The following CSMD1 variants were observed in gnomAD, a reference collection of about 807,000 sequenced individuals.
CSMD1 encodes the protein CUB and sushi domain-containing protein 1.
CSMD1 carries 213 observed loss-of-function variants against 417.5 expected under a neutral mutation model. The ratio of observed to expected loss-of-function variants is 0.51; its 90% CI spans 0.46 to 0.57. CSMD1 has a LOEUF of 0.57. Among genes scored for constraint, CSMD1 ranks in the 20% least tolerant of loss-of-function variants. CSMD1 has a pLI of 0.00. For missense variants in CSMD1, 6,923 were observed against 4,529.7 expected (o/e 1.53, Z -15.17); for synonymous variants, 2,862 against 1,736.8 (o/e 1.65, Z -16.11).
At chr8:3,492,737 A>G (rs998753207) in intron 11 of CSMD1, among the ~76,000 whole-genome samples, 1 of 152,166 alleles carries the variant, frequency 6.6e-6, no homozygotes, top group Non-Finnish European at 1.5e-5. Context: ...GAGAAGTGGG[A>G]TCAGTCTGCA....
At position 3,656,390 on chromosome 8, in the gene CSMD1, T is replaced by C. The variant is rs189625005; in HGVS notation, c.1010-39593A>G. Among the ~76,000 whole-genome samples the C allele has an allele frequency of 2.9e-3, 441 of 152,078 alleles. 1 individual carries two copies. The highest frequency in any genetic ancestry group is 4.8e-3 in the Non-Finnish European group (329 of 67,996). The stretch of plus-strand genomic sequence containing the variant: ...TTGATAGATGACACCTGCTTTCTCT[T>C]TTTTTTTCCTCTCAGTGCATCACCT... On this transcript the variant is annotated intron_variant, in intron 7 of 69. Transcript: ENST00000635120.
At chr8:3,486,832 G>C (rs1474802549) in intron 11 of CSMD1, among the ~76,000 whole-genome samples, 2 of 152,198 alleles carry the variant, frequency 1.3e-5, no homozygotes, top group African/African-American at 2.4e-5. Context: ...CTGAAGCCCA[G>C]TGGTTTGTTT....
chr8:4,572,580 C>T (rs2693797), intron 2 of CSMD1, among the ~76,000 whole-genome samples: 34,986 of 151,742 alleles, frequency 0.23, 4,234 homozygotes, highest in African/African-American at 0.31. Flanking sequence ...TTGGTGAATG[C>T]GATGATTATG....
chr8:4,594,577 G>A (rs1172317526), intron 2 of CSMD1, among the ~76,000 whole-genome samples: 3 of 152,012 alleles, frequency 2.0e-5, no homozygotes, highest in Admixed American at 6.6e-5. Flanking sequence ...TTTTTTTGGA[G>A]GGGGGCACAA....
intron 12 of CSMD1, among the ~76,000 whole-genome samples, chr8:3,461,296 A>G (rs746098589): frequency 1.6e-4 from 24 of 152,200 alleles, no homozygotes; most frequent in Admixed American, 4.6e-4. Flanking sequence ...TTTGCTGGAT[A>G]GAATGAGGGA....
intron 5 of CSMD1, among the ~76,000 whole-genome samples, chr8:3,789,807 T>C (rs1262905707): frequency 1.3e-5 from 2 of 149,252 alleles, no homozygotes; most frequent in East Asian, 4.0e-4. Context: ...CTTGGCTCAC[T>C]GCAAGCTCCG....
chr8:3,438,067 T>G (rs1275555206), intron 12 of CSMD1, among the ~76,000 whole-genome samples: 1 of 152,204 alleles, frequency 6.6e-6, no homozygotes, highest in African/African-American at 2.4e-5. Flanking sequence ...TCCATAGAAT[T>G]TACCCAGTAG....
chr8:4,648,603 G>A lies in CSMD1; in HGVS notation c.86-11045C>T, dbSNP rs148204888. ...AAATGTGATTTTTTTTTGCACAGTG[G>A]CTGCATGGATAAAATCATGATGCAT... On this transcript the variant is annotated intron_variant, in intron 1 of 69. Coordinates refer to ENST00000635120, the MANE Select transcript of CSMD1 (RefSeq NM_033225.6). 2.1e-3 allele frequency among the ~76,000 whole-genome samples: 321 copies of A among 152,172 alleles called. 4 individuals are homozygous for A. Among genetic ancestry groups the A allele is most frequent in the Admixed American group, 0.018 (274 of 15,288 alleles).
At chr8:4,833,500 T>A (rs1293263705) in intron 1 of CSMD1, among the ~76,000 whole-genome samples, 2 of 152,188 alleles carry the variant, frequency 1.3e-5, no homozygotes, top group African/African-American at 4.8e-5. Flanking sequence ...GAAATTTGGG[T>A]GGGGACACAG....
intron 5 of CSMD1, among the ~76,000 whole-genome samples, chr8:3,846,392 G>A (rs1258196614): frequency 6.6e-6 from 1 of 151,854 alleles, no homozygotes; most frequent in African/African-American, 2.4e-5. Flanking sequence ...CTCTACATGT[G>A]AAATAGATAA....
chr8:4,898,548 T>C (rs1294524924), intron 1 of CSMD1, among the ~76,000 whole-genome samples: 1 of 152,228 alleles, frequency 6.6e-6, no homozygotes, highest in Non-Finnish European at 1.5e-5. Context: ...TCTGTTCTTT[T>C]AAATCCAAGG....
chr8:4,485,583 C>A (rs1023847634), intron 2 of CSMD1, among the ~76,000 whole-genome samples: 3 of 152,062 alleles, frequency 2.0e-5, no homozygotes, highest in African/African-American at 7.2e-5. Flanking sequence ...CACTTCTATC[C>A]ATGGATGTTC....
intron 5 of CSMD1, among the ~76,000 whole-genome samples, chr8:3,954,777 G>A (rs187160067): frequency 2.0e-4 from 30 of 151,798 alleles, no homozygotes; most frequent in Admixed American, 1.8e-3. Flanking sequence ...TAATGTGGCA[G>A]GGAGTTACAT....
intron 5 of CSMD1, among the ~76,000 whole-genome samples, chr8:3,770,679 C>A (rs764307825): frequency 7.2e-5 from 11 of 152,164 alleles, no homozygotes; most frequent in African/African-American, 2.7e-4. Context: ...ACTGTCGCCC[C>A]AACACCTTGT....
At chr8:3,565,531 T>C (rs145673880) in intron 10 of CSMD1, among the ~76,000 whole-genome samples, 247 of 152,304 alleles carry the variant, frequency 1.6e-3, no homozygotes, top group African/African-American at 5.7e-3. Flanking sequence ...ATATACAACA[T>C]AGGTTTCTAT....
intron 1 of CSMD1, among the ~76,000 whole-genome samples, chr8:4,854,692 T>C (rs972023277): frequency 6.6e-6 from 1 of 152,144 alleles, no homozygotes; most frequent in Non-Finnish European, 1.5e-5. Context: ...ACCCGAATAC[T>C]GCCCTTTTCC....
At chr8:4,446,755 CTGTG>C (rs58002310) in intron 2 of CSMD1, among the ~76,000 whole-genome samples, 23,334 of 132,282 alleles carry the variant, frequency 0.18, 2,293 homozygotes, top group Middle Eastern at 0.24. Context: ...GTGTGTGTGT[CTGTG>C]TGTGTGTGTG....
At chr8:3,446,564 C>A (rs540354737) in intron 12 of CSMD1, among the ~76,000 whole-genome samples, 2 of 152,180 alleles carry the variant, frequency 1.3e-5, no homozygotes, top group Admixed American at 1.3e-4. Flanking sequence ...CAGGATAAAC[C>A]ACAGCTTCCT....
intron 5 of CSMD1, among the ~76,000 whole-genome samples, chr8:3,767,447 G>A (rs1051381450): frequency 2.0e-5 from 3 of 152,166 alleles, no homozygotes; most frequent in African/African-American, 4.8e-5. Flanking sequence ...ATGTGCTACT[G>A]CAGACTGCAA....
Sources: gnomAD v4.1 joint callset for allele counts (sites outside exome capture counted in the v4.1 genomes callset) on GRCh38, gnomAD v4.1.1 for gene constraint, MANE v1.5 for transcripts, NCBI Gene and HGNC (gene_info 2026-07-23, HGNC 2026-07-21) for gene names.